Variants in FBN2 observed in about 807,000 individuals in gnomAD.
FBN2 encodes fibrillin 2, also known as fibrillin-2.
Under a neutral mutation model 355.6 loss-of-function variants are expected in FBN2, and 105 were observed. The ratio of observed to expected loss-of-function variants is 0.30; its 90% CI spans 0.25 to 0.35. The LOEUF (loss-of-function observed/expected upper bound fraction) is 0.35, where lower values mean the gene tolerates loss of function less well. FBN2 is among the 10% of genes least tolerant of loss of function. The probability of loss-of-function intolerance (pLI) is 1.00; values close to 1 mark genes in which losing one functional copy is unlikely to be tolerated. For synonymous variants in FBN2, 1,350 were observed against 1,301.2 expected (o/e 1.04, Z -0.81); for missense variants, 3,280 against 3,758.7 (o/e 0.87, Z 3.33).
rs546550554 is a variant in FBN2, at chr5:128,261,610, A to C, written c.8364+126T>G. On this transcript the variant is annotated intron_variant, in intron 64 of 64. Transcript: ENST00000262464. ...TACTTGTCTTTTCCATACTGGGTCCATTAATTTATCCATTAAATTCAAGGT... is the reference window on the plus strand; with the variant it reads ...TACTTGTCTTTTCCATACTGGGTCCCTTAATTTATCCATTAAATTCAAGGT... The C allele has an allele frequency of 3.9e-5, 33 of 835,998 alleles. No homozygotes were observed. The East Asian group carries it at 6.3e-4, about 16-fold the overall frequency. 51.8% of individuals were successfully genotyped at this position (835,998 alleles called of 1,614,324 possible).
chr5:128,470,339 G>A (rs1414310869), intron 5 of FBN2, among the ~76,000 whole-genome samples: 4 of 152,184 alleles, frequency 2.6e-5, no homozygotes, highest in Non-Finnish European at 5.9e-5. Context: ...ACGTTGGAGA[G>A]AGTTAAGGAA....
At chr5:128,412,900 G>T (rs2127005181) in intron 7 of FBN2, among the ~76,000 whole-genome samples, 1 of 152,306 alleles carries the variant, frequency 6.6e-6, no homozygotes, top group African/African-American at 2.4e-5. Flanking sequence ...GCTTTATGAT[G>T]AGGAAGGGAA....
chr5:128,267,667 T>TG (rs35659144), intron 62 of FBN2, among the ~76,000 whole-genome samples: 36,644 of 152,072 alleles, frequency 0.24, 7,436 homozygotes, highest in African/African-American at 0.56. Context: ...TTGATAGGGT[T>TG]TTTGTATTTT....
chr5:128,285,255 G>A (rs1364457674), intron 55 of FBN2, among the ~76,000 whole-genome samples: 1 of 151,588 alleles, frequency 6.6e-6, no homozygotes, highest in Non-Finnish European at 1.5e-5. Flanking sequence ...TTTTTTTGTG[G>A]CTTTATTTTT....
chr5:128,452,610 T>C (rs1225943738), intron 6 of FBN2, among the ~76,000 whole-genome samples: 2 of 152,254 alleles, frequency 1.3e-5, no homozygotes, highest in Non-Finnish European at 2.9e-5. Flanking sequence ...AATTTATATG[T>C]GTAGCAACCA....
At chr5:128,374,973 C>G (rs1283580471) in intron 14 of FBN2, among the ~76,000 whole-genome samples, 1 of 152,132 alleles carries the variant, frequency 6.6e-6, no homozygotes, top group Admixed American at 6.6e-5. Flanking sequence ...GCCTCACAAT[C>G]TTCTTTTTCA....
At chr5:128,306,630 A>T (rs539038402) in intron 42 of FBN2, among the ~76,000 whole-genome samples, 106 of 152,308 alleles carry the variant, frequency 7.0e-4, no homozygotes, top group Non-Finnish European at 1.3e-3. Context: ...CTCAAAAAAA[A>T]AAATTATATT....
At chr5:128,288,979 T>G (rs904422816) in intron 52 of FBN2, 148 bp downstream of exon 52, 2 of 790,930 alleles carry the variant, frequency 2.5e-6, no homozygotes, top group Non-Finnish European at 4.2e-6. Flanking sequence ...GACTGGAAAA[T>G]GTAAGACTGG....
intron 7 of FBN2, among the ~76,000 whole-genome samples, chr5:128,444,274 T>A (rs890277955): frequency 6.6e-6 from 1 of 151,504 alleles, no homozygotes; most frequent in African/African-American, 2.4e-5. Context: ...GGGTTTCACC[T>A]TGTTAGCCAG....
intron 62 of FBN2, among the ~76,000 whole-genome samples, chr5:128,268,340 T>C (rs1765172253): frequency 6.6e-6 from 1 of 152,154 alleles, no homozygotes; most frequent in African/African-American, 2.4e-5. Flanking sequence ...GTCGAATCCC[T>C]GAATAGACCA....
At chr5:128,299,824 T>C (rs1749663912) in intron 48 of FBN2, among the ~76,000 whole-genome samples, 1 of 152,222 alleles carries the variant, frequency 6.6e-6, no homozygotes, top group African/African-American at 2.4e-5. Context: ...GAGCTGTTCC[T>C]ATTTGGCCAT....
chr5:128,485,011 C>T (rs911451431), intron 5 of FBN2, among the ~76,000 whole-genome samples: 3 of 147,422 alleles, frequency 2.0e-5, no homozygotes, highest in Non-Finnish European at 4.4e-5. Context: ...GAAACTCTTG[C>T]ATAAATGCAC....
At chr5:128,407,039 T>A (rs1338333010) in intron 8 of FBN2, among the ~76,000 whole-genome samples, 1 of 152,110 alleles carries the variant, frequency 6.6e-6, no homozygotes, top group Non-Finnish European at 1.5e-5. Context: ...GACATGAGGC[T>A]CCCAACAGAC....
At chr5:128,521,297 A>AT (rs1756427429) in intron 4 of FBN2, among the ~76,000 whole-genome samples, 1 of 152,196 alleles carries the variant, frequency 6.6e-6, no homozygotes, top group South Asian at 2.1e-4. Context: ...GTTCTCACTT[A>AT]TAAGTGGGAA....
At chr5:128,312,518 T>C in intron 37 of FBN2, 116 bp downstream of exon 37, 1 of 1,086,068 alleles carries the variant, frequency 9.2e-7, no homozygotes, top group Non-Finnish European at 1.4e-6. Context: ...TAGTTCAAAT[T>C]CAGTTTTTTT....
At chr5:128,399,281 C>T (rs867575531) in intron 8 of FBN2, among the ~76,000 whole-genome samples, 4 of 152,158 alleles carry the variant, frequency 2.6e-5, no homozygotes, top group Non-Finnish European at 2.9e-5. Flanking sequence ...AGATCACCTG[C>T]TGAGAAACGG....
rs34845843 is a variant in FBN2 at position 128,291,568 on chromosome 5, G to T, written c.6253C>A (p.Pro2085Thr). 3.1e-6 allele frequency: 5 copies of T among 1,613,964 alleles called. No homozygotes were observed. The highest frequency in any genetic ancestry group is 1.7e-5 in the Admixed American group (1 of 60,016). ...TPGGFQCLCP[P>T]GFVLSDNGRR... ...CCATTATCAGATAGTACAAAGCCAG[G>T]GGGGCAGAGGCACTGGAAGCCCCCT... The change falls in exon 49 of 65, where the codon CCT (proline) becomes ACT (threonine). Residue 2085 changes from proline to threonine, a missense_variant. Transcript: ENST00000262464.
intron 3 of FBN2, among the ~76,000 whole-genome samples, chr5:128,528,255 T>C (rs1299125783): frequency 6.6e-6 from 1 of 152,124 alleles, no homozygotes; most frequent in Non-Finnish European, 1.5e-5. Context: ...CAGGAGGCAC[T>C]TTTGTCTCCA....
chr5:128,263,495 A>C lies in FBN2; in HGVS notation c.8122T>G (p.Tyr2708Asp). The change falls in exon 63 of 65, where the codon TAC becomes GAC. Residue 2708 changes from tyrosine to aspartate, a missense_variant. By Grantham distance (160) the Tyr-to-Asp change is radical. Around this residue, in one of 6 missense-constraint regions of FBN2, gnomAD observed 311 missense variants for 319.1 expected, o/e 0.97. Coordinates refer to ENST00000262464, the MANE Select transcript of FBN2 (RefSeq NM_001999.4). ...ECSSSKNPCN[Y>D]GCSNTEGGYL... ...CCCCCCTCCGTGTTAGAGCAGCCGT[A>C]ATTGCAGGGGTTCTTGGAGGACGAG... 1 of 1,614,046 alleles carries C rather than the reference A, an allele frequency of 6.2e-7. No homozygotes were observed. Among genetic ancestry groups the C allele is most frequent in the Non-Finnish European group, 8.5e-7 (1 of 1,180,002 alleles).
Sources: gnomAD v4.1 joint callset for allele counts (sites outside exome capture counted in the v4.1 genomes callset) on GRCh38, gnomAD v4.1.1 for gene constraint, gnomAD v4.1.1 regional missense constraint, MANE v1.5 for transcripts, NCBI Gene and HGNC (gene_info 2026-07-23, HGNC 2026-07-21) for gene names.